ADAM28: variants seen among roughly 807,000 people sequenced by gnomAD.
ADAM28 encodes the protein ADAM metallopeptidase domain 28.
A neutral mutation model predicts 101.2 loss-of-function variants in ADAM28; 105 were observed. The observed-to-expected ratio is 1.04, with a 90% CI of 0.89 to 1.22. ADAM28 has a LOEUF of 1.22. Among genes scored for constraint, ADAM28 ranks in the 50% most tolerant of loss-of-function variants. The pLI, the probability that ADAM28 is intolerant of heterozygous loss-of-function variation, is 0.00. For synonymous variants in ADAM28, 322 were observed against 310.6 expected (o/e 1.04, Z -0.39); for missense variants, 1,028 against 945.4 (o/e 1.09, Z -1.15).
chr8:24,333,005 C>T (rs77124269), intron 13 of ADAM28, among the ~76,000 whole-genome samples: 33 of 152,166 alleles, frequency 2.2e-4, no homozygotes, highest in African/African-American at 7.7e-4. Context: ...AATAATATGG[C>T]CACTATTTGC....
chr8:24,310,026 A>C, intron 3 of ADAM28, 56 bp downstream of exon 3: 1 of 1,471,254 alleles, frequency 6.8e-7, no homozygotes, highest in Non-Finnish European at 9.5e-7. Context: ...GCCTATGGAG[A>C]GTGTGCTGAG....
At chr8:24,309,189 G>A (rs578120030) in intron 2 of ADAM28, among the ~76,000 whole-genome samples, 1 of 152,114 alleles carries the variant, frequency 6.6e-6, no homozygotes, top group Admixed American at 6.6e-5. Context: ...CTTTTACATG[G>A]TTTACCCGAG....
intron 13 of ADAM28, among the ~76,000 whole-genome samples, chr8:24,334,645 A>G (rs564694621): frequency 6.6e-6 from 1 of 152,344 alleles, no homozygotes; most frequent in Non-Finnish European, 1.5e-5. Context: ...TTGAATTTGT[A>G]GGATCTCACA....
intron 13 of ADAM28, among the ~76,000 whole-genome samples, chr8:24,335,115 C>T (rs1813845772): frequency 6.6e-6 from 1 of 151,862 alleles, no homozygotes; most frequent in South Asian, 2.1e-4. Flanking sequence ...GACAGAGATG[C>T]ATCCAACAAA....
In ADAM28 at chr8:24,354,808, A is replaced by G. The variant is rs1411838953; in HGVS notation, c.*404A>G. On this transcript the variant is annotated 3_prime_UTR_variant, in exon 23 of 23. Transcript: ENST00000265769. ...CAACATCTTGATTGTTTTAACCATT[A>G]ACTTGTCAAATTACAATCACAGTTA... 6.5e-6 allele frequency: 1 copy of G among 155,000 alleles called. No homozygotes were observed. Among genetic ancestry groups the G allele is most frequent in the African/African-American group, 2.4e-5 (1 of 41,530 alleles). The allele number at this position is 155,000 out of a possible 1,614,324, so 9.6% of individuals were successfully genotyped here.
chr8:24,300,883 A>G (rs1808664521), intron 2 of ADAM28: 2 of 152,214 alleles, frequency 1.3e-5, no homozygotes, highest in African/African-American at 4.8e-5. Flanking sequence ...CATGAAATTT[A>G]CCTGTCTTTT....
intron 1 of ADAM28, chr8:24,295,670 G>T (rs1171451434): frequency 1.3e-5 from 2 of 152,170 alleles, no homozygotes; most frequent in African/African-American, 4.8e-5. Context: ...ACACTAATCA[G>T]TTCTGCTGCC....
intron 2 of ADAM28, among the ~76,000 whole-genome samples, chr8:24,302,674 C>A (rs1808948591): frequency 1.3e-5 from 2 of 152,274 alleles, no homozygotes; most frequent in South Asian, 4.1e-4. Context: ...TTTTGATTTG[C>A]ATTTCTCTAA....
chr8:24,338,810 A>G (rs185474980), intron 14 of ADAM28, among the ~76,000 whole-genome samples: 2 of 152,152 alleles, frequency 1.3e-5, no homozygotes, highest in East Asian at 3.9e-4. Context: ...ACTTGATAGG[A>G]TTCTGTTTCC....
rs1474118401 is a variant in ADAM28 at position 24,323,954 on chromosome 8, G to A, written c.841G>A (p.Gly281Arg). ...FTLENFSKWR[G>R]SVLSRRKRHD... ...CTTGGAGAATTTTTCTAAATGGAGG[G>A]GGAGTGTTCTCTCAAGAAGAAAGCG... The change falls in exon 9 of 23, where the codon GGG becomes AGG. Residue 281 changes from glycine (G) to arginine (R), a missense_variant. Physicochemically the swap from Gly to Arg is moderately radical, Grantham distance 125. Transcript: ENST00000265769. 1.2e-6 allele frequency: 2 copies of A among 1,611,958 alleles called. No individual in the cohort carries two copies. Among genetic ancestry groups the A allele is most frequent in the South Asian group, 1.1e-5 (1 of 91,040 alleles).
chr8:24,345,336 C>T (rs1815281128), intron 18 of ADAM28, among the ~76,000 whole-genome samples: 1 of 151,892 alleles, frequency 6.6e-6, no homozygotes. Flanking sequence ...ATTATTTATG[C>T]AAAATATCTC....
At chr8:24,332,623 T>C (rs777875078) in intron 12 of ADAM28, 37 bp from the exon 13 acceptor site, 2 of 1,272,716 alleles carry the variant, frequency 1.6e-6, no homozygotes, top group Non-Finnish European at 2.1e-6. Context: ...GACCAAAAAG[T>C]AATGTTGCAT....
rs749796993 is a variant in ADAM28, at chr8:24,343,141, A to G, written c.1871A>G (p.Tyr624Cys). ...GAATGTGTGGATATTGAGAAAGCCT[A>G]CAAATCAACCAATTGCTCATCTAAG... Reference protein sequence around the residue: ...NAECVDIEKAYKSTNCSSKCK... With the variant: ...NAECVDIEKACKSTNCSSKCK... Residue 624 changes from tyrosine (Y) to cysteine (C), a missense_variant, in exon 17 of 23, where the codon TAC (tyrosine) becomes TGC (cysteine). Transcript: ENST00000265769. 3 of 1,613,898 alleles carry G rather than the reference A, an allele frequency of 1.9e-6. No individual in the cohort carries two copies. Among genetic ancestry groups the G allele is most frequent in the Admixed American group, 3.3e-5 (2 of 60,000 alleles).
In ADAM28 at chr8:24,310,289, C is replaced by T. The variant is rs781725947; in HGVS notation, c.306+48C>T. 3 of 1,559,584 alleles carry T rather than the reference C, an allele frequency of 1.9e-6. No homozygotes were observed. The South Asian group carries it at 3.4e-5, about 18-fold the overall frequency. On this transcript the variant is annotated intron_variant, in intron 4 of 22. Transcript: ENST00000265769. ...CTTTAATTAGGGTTTTACCCACAGA[C>T]CTAAAGGTAGTGTCCTTGCCAGGCA...
At position 24,341,749 on chromosome 8, in the gene ADAM28, G is replaced by A. The variant is rs1288762925; in HGVS notation, c.1822G>A (p.Asp608Asn). ...GMVANGTKCG[D>N]NKVCINAECV... ...GGTGGCCAATGGAACTAAGTGTGGCGATAACAAGGTAAGTTGAAATTGTGG... is the reference window on the plus strand; with the variant it reads ...GGTGGCCAATGGAACTAAGTGTGGCAATAACAAGGTAAGTTGAAATTGTGG... Residue 608 changes from aspartate to asparagine, a missense_variant, in exon 16 of 23, where the codon GAT (aspartate) becomes AAT (asparagine). Transcript: ENST00000265769. The A allele has an allele frequency of 1.4e-5, 23 of 1,613,362 alleles. 1 individual carries two copies. The highest frequency in any genetic ancestry group is 7.7e-5 in the South Asian group (7 of 90,984).
chr8:24,319,366 T>C (rs1054023197), intron 6 of ADAM28, among the ~76,000 whole-genome samples: 1 of 151,998 alleles, frequency 6.6e-6, no homozygotes, highest in African/African-American at 2.4e-5. Context: ...TTTATGTTTG[T>C]CTCTTGGTCT....
chr8:24,328,590 A>G (rs1167454827), intron 10 of ADAM28, among the ~76,000 whole-genome samples: 2 of 152,058 alleles, frequency 1.3e-5, no homozygotes, highest in South Asian at 2.1e-4. Flanking sequence ...AGTAAAAACC[A>G]TTCTAGGAAT....
At chr8:24,319,119 T>TC (rs1188639307) in intron 6 of ADAM28, among the ~76,000 whole-genome samples, 1 of 152,020 alleles carries the variant, frequency 6.6e-6, no homozygotes, top group Admixed American at 6.6e-5. Flanking sequence ...GCACTTTTTT[T>TC]CTATGCTCTA....
chr8:24,328,771 T>A (rs1225314447), intron 10 of ADAM28, among the ~76,000 whole-genome samples: 1 of 151,792 alleles, frequency 6.6e-6, no homozygotes, highest in East Asian at 1.9e-4. Flanking sequence ...CTACTGAAAA[T>A]ACAAAAAAAT....
Sources: allele counts gnomAD v4.1 joint callset (sites outside exome capture counted in the v4.1 genomes callset), GRCh38; gene constraint gnomAD v4.1.1; transcripts MANE v1.5; gene names NCBI Gene and HGNC (gene_info 2026-07-23, HGNC 2026-07-21).